SFI1: variants seen among roughly 807,000 people sequenced by gnomAD.
SFI1 encodes the protein protein SFI1 homolog.
SFI1 carries 195 observed loss-of-function variants against 207.5 expected under a neutral mutation model. That is an observed-to-expected ratio of 0.94 (90% CI 0.84 to 1.06). The LOEUF (loss-of-function observed/expected upper bound fraction) is 1.06, where lower values mean the gene tolerates loss of function less well. Ranked by LOEUF, SFI1 falls within the 50% of genes least tolerant of loss-of-function variation. The pLI is 0.00. For synonymous variants in SFI1, 630 were observed against 598.9 expected (o/e 1.05, Z -0.76); for missense variants, 1,634 against 1,588.0 (o/e 1.03, Z -0.49).
At position 31,550,261 on chromosome 22, in the gene SFI1, C is replaced by T. The variant is rs1246128688; in HGVS notation, c.457C>T (p.Leu153=). Residue 153 remains leucine, a synonymous_variant, in exon 6 of 33, where the codon CTG becomes TTG. Transcript: ENST00000400288. ...CTTTTTTTGGCTCCTCAGGTATTAC[C>T]TGTACAACCTGATGTTCCAGACGTG... The part of the protein sequence containing the change: ...VRADCHYRYY[L]YNLMFQTWKT... 1.1e-5 allele frequency: 18 copies of T among 1,613,470 alleles called. No individual in the cohort carries two copies. The highest frequency in any genetic ancestry group is 1.7e-5 in the Admixed American group (1 of 59,956).
intron 4 of SFI1, among the ~76,000 whole-genome samples, chr22:31,538,137 A>C (rs540431904): frequency 1.3e-5 from 2 of 151,866 alleles, no homozygotes; most frequent in African/African-American, 4.8e-5. Context: ...ATGGCCGGCT[A>C]TTTTTTGTAT....
rs1213898542 is a variant in SFI1, at chr22:31,585,148, T to C, written c.1413+14T>C. The C allele has an allele frequency of 1.2e-6, 2 of 1,609,316 alleles. No individual in the cohort carries two copies. Among genetic ancestry groups the C allele is most frequent in the Non-Finnish European group, 1.7e-6 (2 of 1,176,036 alleles). On this transcript the variant is annotated intron_variant, in intron 14 of 32. Coordinates refer to ENST00000400288, the MANE Select transcript of SFI1 (RefSeq NM_001007467.3). ...CGGTACAAGCAGGTATGGAGTACTT[T>C]TTAGCAGATAGCTCTACTGGCTTAC...
At chr22:31,560,260 GAAAA>G (rs77338200) in intron 7 of SFI1, among the ~76,000 whole-genome samples, 1 of 144,288 alleles carries the variant, frequency 6.9e-6, no homozygotes, top group Non-Finnish European at 1.5e-5. Context: ...AAATTAGTAG[GAAAA>G]AAAAAACAAG....
Position 31,550,358 on chromosome 22 carries a change from A to C in SFI1, c.544+10A>C. ...AGAGCCGAGGTTCATGGTGAGAAAA[A>C]GAAGTCCATGTCTGAAGAAGATGCC... On this transcript the variant is annotated intron_variant, in intron 6 of 32. Coordinates refer to ENST00000400288, the MANE Select transcript of SFI1 (RefSeq NM_001007467.3). The C allele has an allele frequency of 6.2e-7, 1 of 1,610,768 alleles. No individual in the cohort carries two copies. Among genetic ancestry groups the C allele is most frequent in the African/African-American group, 1.3e-5 (1 of 74,990 alleles).
chr22:31,597,710 A>G (rs1031523857), intron 15 of SFI1, among the ~76,000 whole-genome samples: 7 of 152,186 alleles, frequency 4.6e-5, no homozygotes, highest in Non-Finnish European at 7.3e-5. Flanking sequence ...TGGTAAGTAC[A>G]TTTTCAGAGG....
In SFI1 at chr22:31,583,959, T is replaced by G; in HGVS notation, c.1333T>G (p.Trp445Gly). The stretch of plus-strand genomic sequence containing the variant: ...GCTGCTCCCCTTACTGCATGCTGCC[T>G]GGGACCACTACAGGTAGGGACTCTG... ...RELLPLLHAAWDHYRIALLCK... is the reference protein window; with the variant it reads ...RELLPLLHAAGDHYRIALLCK... Residue 445 changes from tryptophan to glycine, a missense_variant, in exon 13 of 33, where the codon TGG becomes GGG. Coordinates refer to ENST00000400288, the MANE Select transcript of SFI1 (RefSeq NM_001007467.3). 1 of 1,613,926 alleles carries G rather than the reference T, an allele frequency of 6.2e-7. No homozygotes were observed. Among genetic ancestry groups the G allele is most frequent in the South Asian group, 1.1e-5 (1 of 91,084 alleles).
At chr22:31,551,998 G>A (rs2060664689) in intron 6 of SFI1, among the ~76,000 whole-genome samples, 1 of 152,138 alleles carries the variant, frequency 6.6e-6, no homozygotes. Flanking sequence ...TACATGATAG[G>A]TAATTTTTCA....
intron 8 of SFI1, among the ~76,000 whole-genome samples, chr22:31,568,502 A>C (rs2062620738): frequency 7.5e-6 from 1 of 133,948 alleles, no homozygotes; most frequent in South Asian, 2.6e-4. Flanking sequence ...ACTGCACTTC[A>C]GCCTGGGCGA....
intron 4 of SFI1, among the ~76,000 whole-genome samples, chr22:31,542,087 T>C (rs1177145317): frequency 8.4e-6 from 1 of 119,514 alleles, no homozygotes; most frequent in Non-Finnish European, 1.7e-5. Flanking sequence ...GGTGACAGAG[T>C]GAGACCCCGT....
In SFI1 at chr22:31,613,431, C is replaced by A. The variant is rs372521212; in HGVS notation, c.2643C>A (p.Tyr881Ter). The A allele has an allele frequency of 6.2e-7, 1 of 1,609,378 alleles. No homozygotes were observed. The highest frequency in any genetic ancestry group is 8.5e-7 in the Non-Finnish European group (1 of 1,179,758). Residue 881 changes from tyrosine (Y) to a stop codon, truncating the protein, a stop_gained, in exon 26 of 33, where the codon TAC (tyrosine) becomes TAA (stop). Coordinates refer to ENST00000400288, the MANE Select transcript of SFI1 (RefSeq NM_001007467.3). LOFTEE classifies it high-confidence loss of function. ...KARLQWALQA[Y>*]QGQLLQEGAT... The stretch of plus-strand genomic sequence containing the variant: ...GGCTGCAGTGGGCGCTCCAGGCCTA[C>A]CAGGGGCAGCTCCTCCAGGAGGGTG...
intron 20 of SFI1, chr22:31,605,197 T>A: frequency 3.1e-6 from 1 of 327,438 alleles, no homozygotes; most frequent in Non-Finnish European, 5.6e-6. Flanking sequence ...TGTCTTGCTC[T>A]TCTGAGCACT....
At chr22:31,543,417 T>C (rs1263259993) in intron 4 of SFI1, among the ~76,000 whole-genome samples, 1 of 152,214 alleles carries the variant, frequency 6.6e-6, no homozygotes, top group Non-Finnish European at 1.5e-5. Flanking sequence ...CTGTCCTCTT[T>C]TGATGGGTAT....
intron 8 of SFI1, among the ~76,000 whole-genome samples, chr22:31,570,507 T>C (rs1392525633): frequency 2.0e-5 from 3 of 152,106 alleles, no homozygotes. Flanking sequence ...AAGGAGGCAG[T>C]GGGATATTGG....
chr22:31,529,083 T>C (rs2058215694), intron 3 of SFI1: 1 of 476,426 alleles, frequency 2.1e-6, no homozygotes, highest in East Asian at 3.1e-5. Context: ...CCTCACAATA[T>C]GACGCTATCA....
intron 7 of SFI1, among the ~76,000 whole-genome samples, chr22:31,559,198 G>A (rs2061442286): frequency 6.6e-6 from 1 of 151,842 alleles, no homozygotes; most frequent in African/African-American, 2.4e-5. Flanking sequence ...TGAGGCTGGT[G>A]AATTACCTGA....
intron 12 of SFI1, 51 bp downstream of exon 12, chr22:31,580,415 T>C (rs750831663): frequency 1.4e-6 from 2 of 1,476,064 alleles, no homozygotes; most frequent in Non-Finnish European, 1.9e-6. Context: ...CCATTCTCTC[T>C]CGCTCTTTTT....
At chr22:31,543,140 T>C (rs1325573903) in intron 4 of SFI1, among the ~76,000 whole-genome samples, 1 of 151,628 alleles carries the variant, frequency 6.6e-6, no homozygotes, top group Non-Finnish European at 1.5e-5. Context: ...CTGGCTAATT[T>C]TTTGCATTTT....
chr22:31,614,887 G>C (rs2071114519), intron 28 of SFI1, 27 bp downstream of exon 28: 1 of 1,611,316 alleles, frequency 6.2e-7, no homozygotes. Context: ...ACCGTGGGCA[G>C]GCAGGGGGAG....
Position 31,589,526 on chromosome 22 carries a change from G to A in SFI1, c.1493G>A (p.Arg498Gln), listed in dbSNP as rs749627853. 14 of 1,613,866 alleles carry A rather than the reference G, an allele frequency of 8.7e-6. No individual in the cohort carries two copies. In the Admixed American group the frequency reaches 1.0e-4, roughly 12 times the overall value. The part of the protein sequence containing the change: ...AAFHTWNRLW[R>Q]WRHQENVLSA... ...TTCCACACATGGAACAGACTCTGGC[G>A]ATGGCGCCACCAGGAAAATGTCCTC... Residue 498 changes from arginine (R) to glutamine (Q), a missense_variant, in exon 15 of 33, where the codon CGA (arginine) becomes CAA (glutamine). Physicochemically the swap from Arg to Gln is conservative, Grantham distance 43 (BLOSUM62 1). Transcript: ENST00000400288.
Sources: allele counts gnomAD v4.1 joint callset (sites outside exome capture counted in the v4.1 genomes callset), GRCh38; gene constraint gnomAD v4.1.1; transcripts MANE v1.5; gene names NCBI Gene and HGNC (gene_info 2026-07-23, HGNC 2026-07-21).